The following ZBBX variants were observed in gnomAD, a reference collection of about 807,000 sequenced individuals.
ZBBX encodes the protein zinc finger B-box domain-containing protein 1.
Under a neutral mutation model 108.5 loss-of-function variants are expected in ZBBX, and 101 were observed. The ratio of observed to expected loss-of-function variants is 0.93; its 90% CI spans 0.79 to 1.10. The LOEUF (loss-of-function observed/expected upper bound fraction) is 1.10, where lower values mean the gene tolerates loss of function less well. Among genes scored for constraint, ZBBX ranks in the 50% least tolerant of loss-of-function variants. The probability of loss-of-function intolerance (pLI) is 0.00; values close to 1 mark genes in which losing one functional copy is unlikely to be tolerated. For synonymous variants in ZBBX, 356 were observed against 323.4 expected (o/e 1.10, Z -1.08); for missense variants, 1,009 against 941.4 (o/e 1.07, Z -0.94).
At chr3:167,223,466 A>G in the ZBBX span, among the ~76,000 whole-genome samples, 1 of 151,950 alleles carries the variant, frequency 6.6e-6, no homozygotes, top group South Asian at 2.1e-4. Flanking sequence ...ATTTTGTGTC[A>G]GAGTCTTAAA....
At chr3:167,352,839 T>C (rs1742909857) in intron 8 of ZBBX, among the ~76,000 whole-genome samples, 1 of 151,792 alleles carries the variant, frequency 6.6e-6, no homozygotes, top group Non-Finnish European at 1.5e-5. Flanking sequence ...AACCAATAAA[T>C]GTGATTTACC....
At chr3:167,322,290 C>T in intron 11 of ZBBX, 53 bp from the exon 12 acceptor site, 1 of 1,379,372 alleles carries the variant, frequency 7.2e-7, no homozygotes, top group Non-Finnish European at 9.5e-7. Flanking sequence ...TTACAAATTA[C>T]TATATCTTCT....
At chr3:167,253,618 A>AC (rs1430045164) in intron 20 of ZBBX, among the ~76,000 whole-genome samples, 1 of 152,108 alleles carries the variant, frequency 6.6e-6, no homozygotes, top group Non-Finnish European at 1.5e-5. Flanking sequence ...ACAATACAGA[A>AC]CCCGCAAACA....
At chr3:167,286,269 A>G (rs1260600669) in intron 19 of ZBBX, among the ~76,000 whole-genome samples, 1 of 152,152 alleles carries the variant, frequency 6.6e-6, no homozygotes, top group East Asian at 1.9e-4. Flanking sequence ...GTGTAGGAGA[A>G]GATGCAGTTA....
At chr3:167,298,496 T>A (rs1408898889) in intron 17 of ZBBX, 38 bp from the exon 18 acceptor site, 3 of 1,387,418 alleles carry the variant, frequency 2.2e-6, no homozygotes, top group African/African-American at 1.5e-5. Context: ...ATTTTCTAAC[T>A]CATTAACACA....
the ZBBX span, among the ~76,000 whole-genome samples, chr3:167,208,802 C>G: frequency 2.0e-5 from 3 of 152,126 alleles, no homozygotes; most frequent in Non-Finnish European, 4.4e-5. Flanking sequence ...GTAAATGGGA[C>G]TTTGTCTTGT....
the ZBBX span, among the ~76,000 whole-genome samples, chr3:167,179,304 G>A: frequency 6.6e-6 from 1 of 152,230 alleles, no homozygotes; most frequent in African/African-American, 2.4e-5. Flanking sequence ...GGGCATTGCT[G>A]GATAATAGCT....
At chr3:167,205,652 C>T in the ZBBX span, among the ~76,000 whole-genome samples, 4 of 152,154 alleles carry the variant, frequency 2.6e-5, no homozygotes, top group Admixed American at 2.0e-4. Context: ...AGTGTCATGA[C>T]GTTCCTATTG....
At chr3:167,284,467 T>A (rs1395938292) in intron 19 of ZBBX, among the ~76,000 whole-genome samples, 1 of 151,968 alleles carries the variant, frequency 6.6e-6, no homozygotes, top group Non-Finnish European at 1.5e-5. Flanking sequence ...CAAGGTAAAA[T>A]TTAAAGGAAT....
intron 11 of ZBBX, among the ~76,000 whole-genome samples, chr3:167,325,591 C>T (rs933882071): frequency 6.6e-5 from 10 of 152,084 alleles, no homozygotes; most frequent in African/African-American, 2.2e-4. Flanking sequence ...TGCACTTCTT[C>T]ATCCAAATTA....
chr3:167,223,767 C>T, the ZBBX span, among the ~76,000 whole-genome samples: 1 of 151,906 alleles, frequency 6.6e-6, no homozygotes, highest in South Asian at 2.1e-4. Flanking sequence ...TATTTTTAGT[C>T]CTTAAGAATT....
At chr3:167,238,496 C>A (rs1197639720), downstream of ZBBX, among the ~76,000 whole-genome samples, 2 of 151,972 alleles carry the variant, frequency 1.3e-5, no homozygotes, top group African/African-American at 4.8e-5. Context: ...TCATAATTTT[C>A]TATTCTGTCA....
Position 167,289,109 on chromosome 3 carries a change from T to C in ZBBX, c.1880-126A>G, listed in dbSNP as rs541380394. 1.1e-5 allele frequency: 4 copies of C among 374,248 alleles called. No homozygotes were observed. The South Asian group carries it at 3.7e-4, about 34-fold the overall frequency. The allele number at this position is 374,248 out of a possible 1,614,324, so 23.2% of individuals were successfully genotyped here. A position where few individuals can be genotyped will look rare whatever the true frequency, so the allele number is the denominator to read the frequency against. On this transcript the variant is annotated intron_variant, in intron 18 of 21. Coordinates refer to ENST00000675490, the MANE Select transcript of ZBBX (RefSeq NM_001199201.2). ...AAAGAATATTTACAACAGTGATATA[T>C]ATTATGAAATACAAAATCTTATTAC...
intron 10 of ZBBX, among the ~76,000 whole-genome samples, chr3:167,329,013 C>T (rs1737910116): frequency 6.6e-6 from 1 of 152,098 alleles, no homozygotes; most frequent in Non-Finnish European, 1.5e-5. Context: ...GTGCCAAGAC[C>T]TGTGCCTGGC....
chr3:167,185,016 C>T, the ZBBX span, among the ~76,000 whole-genome samples: 2 of 152,050 alleles, frequency 1.3e-5, no homozygotes, highest in East Asian at 1.9e-4. Context: ...CTTACAAATG[C>T]ATGTGAATCT....
At chr3:167,330,860 AG>A (rs1253356882) in intron 10 of ZBBX, among the ~76,000 whole-genome samples, 105 of 76,248 alleles carry the variant, frequency 1.4e-3, no homozygotes, top group African/African-American at 5.9e-3. Flanking sequence ...GAGGAGGAGG[AG>A]GAGGAGGAGG....
chr3:167,364,075 C>A (rs907525574), intron 6 of ZBBX, among the ~76,000 whole-genome samples: 4 of 151,854 alleles, frequency 2.6e-5, no homozygotes, highest in South Asian at 2.1e-4. Flanking sequence ...AGTTTCTAGA[C>A]CTCAGCATCA....
At chr3:167,302,467 G>A (rs912644226) in intron 17 of ZBBX, among the ~76,000 whole-genome samples, 13 of 151,622 alleles carry the variant, frequency 8.6e-5, no homozygotes, top group Non-Finnish European at 1.5e-4. Context: ...TTAAATTAGT[G>A]CTTGCCTTTA....
intron 19 of ZBBX, among the ~76,000 whole-genome samples, chr3:167,283,951 T>A (rs2108534957): frequency 6.6e-6 from 1 of 152,258 alleles, no homozygotes; most frequent in East Asian, 1.9e-4. Flanking sequence ...TTCGAATGTG[T>A]CTAATACCTC....
Sources: allele counts gnomAD v4.1 joint callset (sites outside exome capture counted in the v4.1 genomes callset), GRCh38; gene constraint gnomAD v4.1.1; transcripts MANE v1.5; gene names NCBI Gene and HGNC (gene_info 2026-07-23, HGNC 2026-07-21).